Variants in ZNF552 observed in about 807,000 individuals in gnomAD.
The protein encoded by ZNF552 is zinc finger protein 552.
ZNF552 carries 2 observed loss-of-function variants against 7.2 expected under a neutral mutation model. The ratio of observed to expected loss-of-function variants is 0.28; its 90% CI spans 0.11 to 0.88. ZNF552 has a LOEUF of 0.88. Ranked by LOEUF, ZNF552 falls within the 40% of genes least tolerant of loss-of-function variation. The pLI is 0.60. For synonymous variants in ZNF552, 173 were observed against 176.5 expected, an observed-to-expected ratio of 0.98 and a Z score of 0.16; for missense variants, 421 against 493.4, an observed-to-expected ratio of 0.85 and a Z score of 1.39.
chr19:57,809,128 A>C, intron 2 of ZNF552, 25 bp from the exon 3 acceptor site: 1 of 1,537,190 alleles, frequency 6.5e-7, no homozygotes, highest in South Asian at 1.2e-5. Context: ...ATGCTGGTGA[A>C]GTGCATGTTA....
intron 2 of ZNF552, among the ~76,000 whole-genome samples, chr19:57,811,420 C>A (rs1987854615): frequency 6.6e-6 from 1 of 152,088 alleles, no homozygotes; most frequent in South Asian, 2.1e-4. Context: ...CCTCGGCCTC[C>A]CAAAGTTCTG....
At chr19:57,810,224 C>G (rs1987828093) in intron 2 of ZNF552, among the ~76,000 whole-genome samples, 1 of 152,062 alleles carries the variant, frequency 6.6e-6, no homozygotes, top group Admixed American at 6.6e-5. Flanking sequence ...AATCCCAGCA[C>G]TTTGGGAGGC....
intron 2 of ZNF552, among the ~76,000 whole-genome samples, chr19:57,811,211 T>C (rs12979832): frequency 0.3 from 45,545 of 151,766 alleles, 7,562 homozygotes; most frequent in African/African-American, 0.45. Context: ...CTCGCTCTGT[T>C]GCTCAGGCTG....
At chr19:57,811,167 T>TC (rs35633794) in intron 2 of ZNF552, among the ~76,000 whole-genome samples, 51 of 151,852 alleles carry the variant, frequency 3.4e-4, no homozygotes, top group South Asian at 1.9e-3. Context: ...TTTTCTTTTT[T>TC]TTTTTTATTT....
Position 57,813,117 on chromosome 19 carries a change from G to T in ZNF552, c.160+177C>A, listed in dbSNP as rs1054467981. 4 of 1,037,166 alleles carry T rather than the reference G, an allele frequency of 3.9e-6. No individual in the cohort carries two copies. The African/African-American group carries it at 6.5e-5, about 17-fold the overall frequency. 64.2% of individuals were successfully genotyped at this position (1,037,166 alleles called of 1,614,324 possible). A position where few individuals can be genotyped will look rare whatever the true frequency, so the allele number is the denominator to read the frequency against. ...ATTCTTCCCTGGGAGCTCAATAGCA[G>T]GTGTTGGGGCTGCTCCAAGAATGGA... On this transcript the variant is annotated intron_variant, in intron 2 of 2. Coordinates refer to ENST00000391701, the MANE Select transcript of ZNF552 (RefSeq NM_024762.3).
At chr19:57,812,613 G>A (rs550980702) in intron 2 of ZNF552, among the ~76,000 whole-genome samples, 2 of 152,318 alleles carry the variant, frequency 1.3e-5, no homozygotes, top group Admixed American at 6.5e-5. Flanking sequence ...CTGTTGCTCA[G>A]GCTGGAGCGC....
At chr19:57,810,189 G>A (rs1044879080) in intron 2 of ZNF552, among the ~76,000 whole-genome samples, 3 of 151,856 alleles carry the variant, frequency 2.0e-5, no homozygotes, top group African/African-American at 7.3e-5. Flanking sequence ...GAAGAAAAGG[G>A]CCAGGTGTCG....
At position 57,808,028 on chromosome 19, in the gene ZNF552, G is replaced by C. The variant is rs377494725; in HGVS notation, c.*12C>G. The C allele has an allele frequency of 6.3e-6, 10 of 1,591,820 alleles. No individual in the cohort carries two copies. Among genetic ancestry groups the C allele is most frequent in the Admixed American group, 1.8e-5 (1 of 57,068 alleles). On this transcript the variant is annotated 3_prime_UTR_variant, in exon 3 of 3. Coordinates refer to ENST00000391701, the MANE Select transcript of ZNF552 (RefSeq NM_024762.3). ...TATTCTCCAATATTTAATGAGACTG[G>C]ACTCACTGCACTCATAAGCCCTTTC...
chr19:57,808,456 A>G lies in ZNF552; in HGVS notation c.808T>C (p.Cys270Arg). 1.2e-6 allele frequency: 2 copies of G among 1,613,902 alleles called. No homozygotes were observed. The highest frequency in any genetic ancestry group is 1.7e-6 in the Non-Finnish European group (2 of 1,179,910). Residue 270 changes from cysteine to arginine, a missense_variant, in exon 3 of 3, where the codon TGT becomes CGT. By Grantham distance (180) the Cys-to-Arg change is radical (BLOSUM62 -3). This residue lies in a region of ZNF552 where 299 missense variants were observed against 293.7 expected (regional missense o/e 1.02). Coordinates refer to ENST00000391701, the MANE Select transcript of ZNF552 (RefSeq NM_024762.3). ...TTAAATAATTTCCCACATATCCCAC[A>G]CGTATAAGGTTTTTCTCTAGTGTGA... The part of the protein sequence containing the change: ...GVHTREKPYT[C>R]GICGKLFNSK...
intron 2 of ZNF552, 155 bp from the exon 3 acceptor site, chr19:57,809,258 T>C (rs746839825): frequency 1.3e-6 from 2 of 1,519,908 alleles, no homozygotes; most frequent in South Asian, 2.4e-5. Context: ...CTATGTATTA[T>C]TACTGGACTA....
intron 2 of ZNF552, among the ~76,000 whole-genome samples, chr19:57,812,655 G>C (rs962964763): frequency 2.0e-5 from 3 of 152,168 alleles, no homozygotes; most frequent in Admixed American, 2.0e-4. Context: ...TGCAACCCCT[G>C]CCTCCTGGGT....
At chr19:57,809,288 G>T (rs1460919087) in intron 2 of ZNF552, 185 bp from the exon 3 acceptor site, 1 of 1,420,580 alleles carries the variant, frequency 7.0e-7, no homozygotes, top group African/African-American at 1.4e-5. Context: ...CAGAATGTAG[G>T]AGGCCTCATA....
chr19:57,813,070 C>T (rs1987885798), intron 2 of ZNF552: 1 of 621,592 alleles, frequency 1.6e-6, no homozygotes, highest in South Asian at 3.5e-5. Flanking sequence ...CATTAAGTTG[C>T]CTGTAAGACT....
chr19:57,813,884 C>G (rs2122151221), intron 1 of ZNF552, among the ~76,000 whole-genome samples: 1 of 152,050 alleles, frequency 6.6e-6, no homozygotes, highest in South Asian at 2.1e-4. Flanking sequence ...GCTGGGATTA[C>G]AGGCATGCGC....
chr19:57,813,434 G>A lies in ZNF552; in HGVS notation c.34-14C>T. On this transcript the variant is annotated splice_polypyrimidine_tract_variant and intron_variant, in intron 1 of 2. Transcript: ENST00000391701. ...AGTCACTGTGCCCTGTTATGATGTT[G>A]ACAGATGAAACCACAAACCACCCCT... 6.2e-7 allele frequency: 1 copy of A among 1,611,242 alleles called. No individual in the cohort carries two copies. Among genetic ancestry groups the A allele is most frequent in the Non-Finnish European group, 8.5e-7 (1 of 1,177,706 alleles).
At position 57,807,955 on chromosome 19, in the gene ZNF552, TA is replaced by T. The variant is rs1487469205; in HGVS notation, c.*84del. 2.7e-6 allele frequency: 4 copies of T among 1,467,142 alleles called. No individual in the cohort carries two copies. In the Admixed American group the frequency reaches 8.8e-5, roughly 32 times the overall value. The allele number at this position is 1,467,142 out of a possible 1,614,324, so 90.9% of individuals were successfully genotyped here. ...TATCCAAGGAGAGCAGACCTTTGGG[TA>T]AACATTTTCCACATTTGCTGCAATC... On this transcript the variant is annotated 3_prime_UTR_variant, in exon 3 of 3. Coordinates refer to ENST00000391701, the MANE Select transcript of ZNF552 (RefSeq NM_024762.3).
chr19:57,809,228 G>C, intron 2 of ZNF552, 125 bp from the exon 3 acceptor site: 3 of 1,580,266 alleles, frequency 1.9e-6, no homozygotes, highest in Non-Finnish European at 2.6e-6. Flanking sequence ...CAGGATGTTG[G>C]CTTCAGGTGG....
rs35699223 is a variant in ZNF552 at position 57,812,028 on chromosome 19, CAAAAAA to C, written c.160+1260_160+1265del. ...TGGGCAACAAAGTGAGACTCTGTCT[CAAAAAA>C]AAAAAAAAAAAAAAAAATTAGCTGG... On this transcript the variant is annotated intron_variant, in intron 2 of 2. Coordinates refer to ENST00000391701, the MANE Select transcript of ZNF552 (RefSeq NM_024762.3). 3.1e-4 allele frequency among the ~76,000 whole-genome samples: 20 copies of C among 63,760 alleles called. No homozygotes were observed. In the South Asian group the frequency reaches 3.2e-3, roughly 10 times the overall value. The allele number at this position is 63,760 out of a possible 152,430, so 41.8% of individuals were successfully genotyped here. A position where few individuals can be genotyped will look rare whatever the true frequency, so the allele number is the denominator to read the frequency against.
chr19:57,808,333 G>T lies in ZNF552; in HGVS notation c.931C>A (p.Leu311Ile). The T allele has an allele frequency of 1.9e-6, 3 of 1,613,696 alleles. No individual in the cohort carries two copies. Among genetic ancestry groups the T allele is most frequent in the Non-Finnish European group, 2.5e-6 (3 of 1,179,678 alleles). Residue 311 changes from leucine to isoleucine, a missense_variant, in exon 3 of 3, where the codon CTC (leucine) becomes ATC (isoleucine). Leu to Ile is a conservative substitution (Grantham distance 5). Coordinates refer to ENST00000391701, the MANE Select transcript of ZNF552 (RefSeq NM_024762.3). ...CQKFFRHKYH[L>I]IAHQRVHTGE... ...GTGTGAACTCTCTGGTGTGCAATGA[G>T]GTGGTACTTGTGCCTAAAAAATTTC...
Sources: allele counts gnomAD v4.1 joint callset (sites outside exome capture counted in the v4.1 genomes callset), GRCh38; gene constraint gnomAD v4.1.1; regional missense constraint gnomAD v4.1.1; transcripts MANE v1.5; gene names NCBI Gene and HGNC (gene_info 2026-07-23, HGNC 2026-07-21).